The following ZMYM4 variants were observed in gnomAD, a reference collection of about 807,000 sequenced individuals.
ZMYM4 encodes zinc finger MYM-type protein 4.
In ZMYM4, 31 loss-of-function variants were observed where a neutral mutation model predicts 183.2. That is an observed-to-expected ratio of 0.17 (90% confidence interval 0.13 to 0.23). ZMYM4 has a LOEUF of 0.23. ZMYM4 is among the 10% of genes least tolerant of loss of function. ZMYM4 has a pLI of 1.00. For missense variants in ZMYM4, 1,273 were observed against 1,840.3 expected (o/e 0.69, Z 5.64); for synonymous variants, 592 against 631.2 (o/e 0.94, Z 0.93).
chr1:35,359,379 A>G lies in ZMYM4; in HGVS notation c.540A>G (p.Glu180=). 6.3e-7 allele frequency: 1 copy of G among 1,597,466 alleles called. No individual in the cohort carries two copies. Among genetic ancestry groups the G allele is most frequent in the Non-Finnish European group, 8.5e-7 (1 of 1,175,716 alleles). Residue 180 remains glutamate, a synonymous_variant, in exon 3 of 30, where the codon GAA becomes GAG. Transcript: ENST00000314607. ...EKNRDLTYER[E]KRLDKPHKDL... The stretch of plus-strand genomic sequence containing the variant: ...ATAGAGACCTAACTTATGAACGTGA[A>G]AAACGGTTGGATAAACCCCATAAAG...
At position 35,413,922 on chromosome 1, in the gene ZMYM4, T is replaced by C. The variant is rs756252582; in HGVS notation, c.3949-50T>C. On this transcript the variant is annotated intron_variant, in intron 26 of 29. Transcript: ENST00000314607. ...TTTCTTACAATAATTTTTTAAGAAC[T>C]CATGTTTTCTTTTTATCAACATGTA... The C allele has an allele frequency of 1.0e-5, 11 of 1,086,392 alleles. No homozygotes were observed. In the South Asian group the frequency reaches 1.6e-4, roughly 16 times the overall value. 67.3% of individuals were successfully genotyped at this position (1,086,392 alleles called of 1,614,324 possible). A position where few individuals can be genotyped will look rare whatever the true frequency, so the allele number is the denominator to read the frequency against.
In ZMYM4 at chr1:35,389,781, A is replaced by ATATATGTGTGTGTGTGTGTG. The variant is rs1553179061; in HGVS notation, c.2437-166_2437-165insATATGTGTGTGTGTGTGTGT. Among the ~76,000 whole-genome samples the ATATATGTGTGTGTGTGTGTG allele has an allele frequency of 1.4e-5, 2 of 141,476 alleles. No individual in the cohort carries two copies. The highest frequency in any genetic ancestry group is 5.3e-5 in the African/African-American group (2 of 37,666). 92.8% of individuals were successfully genotyped at this position (141,476 alleles called of 152,430 possible). A position where few individuals can be genotyped will look rare whatever the true frequency, so the allele number is the denominator to read the frequency against. ...AAAAAAAAAAAAAATATATATATAT[A>ATATATGTGTGTGTGTGTGTG]TGTGTGTGTGTGTGTGTGTGTGTGT... On this transcript the variant is annotated intron_variant, in intron 14 of 29. Transcript: ENST00000314607. The surrounding 1 kb of genome is among the most constrained non-coding windows in gnomAD (Gnocchi z 4.0).
chr1:35,412,154 C>CCATTCCTGGCTCAATACATTTTTAAACT (rs1558198413), intron 26 of ZMYM4, among the ~76,000 whole-genome samples: 5 of 152,162 alleles, frequency 3.3e-5, no homozygotes, highest in African/African-American at 1.2e-4. Context: ...GCTGGGATTA[C>CCATTCCTGGCTCAATACATTTTTAAACT]AGGCATGAGC....
chr1:35,345,100 G>A (rs1338057480), intron 2 of ZMYM4, among the ~76,000 whole-genome samples: 1 of 152,206 alleles, frequency 6.6e-6, no homozygotes, highest in East Asian at 1.9e-4. Flanking sequence ...ACTGGCACCT[G>A]TGACTGTTGA....
chr1:35,405,518 C>T lies in ZMYM4; in HGVS notation c.3796+50C>T, dbSNP rs141946688. Reference sequence around the variant, plus strand: ...GTATGAATTATTTATATTATTATTGCGGATTTAAATTTGTAAATTGAATAT... The same window carrying T: ...GTATGAATTATTTATATTATTATTGTGGATTTAAATTTGTAAATTGAATAT... On this transcript the variant is annotated intron_variant, in intron 25 of 29. Transcript: ENST00000314607. 7.2e-4 allele frequency: 980 copies of T among 1,352,920 alleles called. 3 individuals carry two copies. The highest frequency in any genetic ancestry group is 9.2e-4 in the Non-Finnish European group (908 of 986,460). 83.8% of individuals were successfully genotyped at this position (1,352,920 alleles called of 1,614,324 possible). A position where few individuals can be genotyped will look rare whatever the true frequency, so the allele number is the denominator to read the frequency against.
At chr1:35,270,964 C>G (rs1309497818) in intron 1 of ZMYM4, among the ~76,000 whole-genome samples, 1 of 152,064 alleles carries the variant, frequency 6.6e-6, no homozygotes, top group Non-Finnish European at 1.5e-5. Flanking sequence ...AGTCATAGAG[C>G]AAGTTAAGCT....
intron 2 of ZMYM4, chr1:35,351,303 C>T (rs569512345): frequency 5.9e-5 from 93 of 1,579,942 alleles, no homozygotes; most frequent in South Asian, 1.7e-4. Flanking sequence ...AGAAGTACAC[C>T]GGAAGCACAT....
chr1:35,337,156 C>T (rs1251190526), intron 2 of ZMYM4, among the ~76,000 whole-genome samples: 4 of 151,906 alleles, frequency 2.6e-5, no homozygotes, highest in African/African-American at 4.8e-5. Context: ...GTCAGGAGTT[C>T]GAGACCAGCC....
At chr1:35,409,964 G>A (rs1162443387) in intron 26 of ZMYM4, among the ~76,000 whole-genome samples, 1 of 151,556 alleles carries the variant, frequency 6.6e-6, no homozygotes, top group Non-Finnish European at 1.5e-5. Flanking sequence ...AAATTCTCAT[G>A]CAGAATCATG....
intron 2 of ZMYM4, among the ~76,000 whole-genome samples, chr1:35,332,110 A>C (rs1266290739): frequency 6.6e-6 from 1 of 152,028 alleles, no homozygotes; most frequent in Non-Finnish European, 1.5e-5. Context: ...CATATTTAAA[A>C]TCTCCTTATG....
chr1:35,393,060 TTC>T (rs1426505884), intron 17 of ZMYM4, among the ~76,000 whole-genome samples: 6 of 152,254 alleles, frequency 3.9e-5, no homozygotes, highest in East Asian at 1.9e-4. Flanking sequence ...TAAAAAAAAA[TTC>T]TTTTTTTAAC....
At chr1:35,270,237 A>G (rs1474025625) in intron 1 of ZMYM4, among the ~76,000 whole-genome samples, 2 of 152,216 alleles carry the variant, frequency 1.3e-5, no homozygotes, top group Non-Finnish European at 2.9e-5. Flanking sequence ...AGGTTGAGGT[A>G]GGATTTGAAT....
chr1:35,380,954 G>T (rs1004897441), intron 7 of ZMYM4, among the ~76,000 whole-genome samples: 1 of 152,016 alleles, frequency 6.6e-6, no homozygotes, highest in Non-Finnish European at 1.5e-5. Flanking sequence ...GAAAAATCTC[G>T]TATAATCCCT....
chr1:35,399,226 T>C (rs1283151867), intron 22 of ZMYM4, among the ~76,000 whole-genome samples, 183 bp downstream of exon 22: 4 of 152,242 alleles, frequency 2.6e-5, no homozygotes, highest in Admixed American at 2.6e-4. Context: ...CATATTGTTC[T>C]TATAAGTGGT....
intron 2 of ZMYM4, among the ~76,000 whole-genome samples, chr1:35,330,257 G>A (rs577164579): frequency 9.2e-5 from 14 of 151,954 alleles, no homozygotes; most frequent in African/African-American, 3.1e-4. Context: ...AGGGAGGGAG[G>A]AAGGATAAGG....
intron 1 of ZMYM4, among the ~76,000 whole-genome samples, chr1:35,275,149 A>AT (rs1383072590): frequency 6.6e-6 from 1 of 152,160 alleles, no homozygotes; most frequent in Admixed American, 6.5e-5. Flanking sequence ...GCTCACATTT[A>AT]TTTTTTAGAA....
At chr1:35,298,747 C>T (rs980351239) in intron 1 of ZMYM4, among the ~76,000 whole-genome samples, 3 of 152,102 alleles carry the variant, frequency 2.0e-5, no homozygotes, top group Non-Finnish European at 2.9e-5. Context: ...CAAAGGTTAA[C>T]ATTGTGCCAG....
chr1:35,398,360 A>G (rs1205512654), intron 20 of ZMYM4, 53 bp from the exon 21 acceptor site: 2 of 1,490,354 alleles, frequency 1.3e-6, no homozygotes, highest in Non-Finnish European at 9.3e-7. Flanking sequence ...TTCATTTGAG[A>G]TATAATTTGT....
chr1:35,355,642 G>C (rs1317349413), intron 2 of ZMYM4, among the ~76,000 whole-genome samples: 1 of 151,816 alleles, frequency 6.6e-6, no homozygotes, highest in Non-Finnish European at 1.5e-5. Context: ...CTCATCTCTA[G>C]CCATTTTTAA....
Sources: allele counts gnomAD v4.1 joint callset (sites outside exome capture counted in the v4.1 genomes callset), GRCh38; gene constraint gnomAD v4.1.1; non-coding constraint Gnocchi (gnomAD v3.1); transcripts MANE v1.5; gene names NCBI Gene and HGNC (gene_info 2026-07-23, HGNC 2026-07-21).